Variants in TNC observed in about 807,000 individuals in gnomAD.
TNC encodes tenascin C, also known as tenascin.
Under a neutral mutation model 202.4 loss-of-function variants are expected in TNC, and 109 were observed. The observed-to-expected ratio is 0.54, with a 90% CI of 0.46 to 0.63. The LOEUF (loss-of-function observed/expected upper bound fraction) is 0.63. Among genes scored for constraint, TNC ranks in the 30% least tolerant of loss-of-function variants. The pLI is 0.00. For missense variants in TNC, 2,756 were observed against 2,833.3 expected (o/e 0.97, Z 0.62); for synonymous variants, 1,007 against 1,089.7 (o/e 0.92, Z 1.50).
At chr9:115,040,814 A>G in intron 19 of TNC, 127 bp downstream of exon 19, 2 of 1,262,950 alleles carry the variant, frequency 1.6e-6, no homozygotes, top group Non-Finnish European at 2.1e-6. Flanking sequence ...TCATAAATAA[A>G]ACCCCCCTTT....
chr9:115,020,828 C>T lies in TNC; in HGVS notation c.*329G>A, dbSNP rs1001970984. 2 of 307,116 alleles carry T rather than the reference C, an allele frequency of 6.5e-6. No homozygotes were observed. Among genetic ancestry groups the T allele is most frequent in the African/African-American group, 2.1e-5 (1 of 46,900 alleles). 19.0% of individuals were successfully genotyped at this position (307,116 alleles called of 1,614,324 possible). ...AAAATACGGCTGGTTCTAAAACAAA[C>T]TACCCCTGTACATCCTACCCCTCTC... is the stretch of plus-strand genomic sequence containing the variant. On this transcript the variant is annotated 3_prime_UTR_variant, in exon 28 of 28. Transcript: ENST00000350763.
Position 115,021,180 on chromosome 9 carries a change from C to T in TNC, c.6583G>A (p.Glu2195Lys). The T allele has an allele frequency of 6.2e-7, 1 of 1,613,768 alleles. No homozygotes were observed. Among genetic ancestry groups the T allele is most frequent in the South Asian group, 1.1e-5 (1 of 91,072 alleles). ...ATTTATGCCCGTTTGCGCCTGCCTT[C>T]AAGATTTCTGAAGTTGCTTGGTCTC... ...KLRPSNFRNL[E>K]GRRKRA The change falls in exon 28 of 28, where the codon GAA becomes AAA. Residue 2195 changes from glutamate (E) to lysine (K), a missense_variant. By Grantham distance (56) the Glu-to-Lys change is moderately conservative. Around this residue, in one of 2 missense-constraint regions of TNC, gnomAD observed 197 missense variants for 287.3 expected, o/e 0.69. Coordinates refer to ENST00000350763, the MANE Select transcript of TNC (RefSeq NM_002160.4).
In TNC at chr9:115,076,571, G is replaced by A. The variant is rs760256103; in HGVS notation, c.2679C>T (p.Leu893=). 4.0e-5 allele frequency: 64 copies of A among 1,613,948 alleles called. No homozygotes were observed. In the East Asian group the frequency reaches 4.5e-4, roughly 11 times the overall value. Residue 893 remains leucine, a synonymous_variant, in exon 8 of 28, where the codon CTC becomes CTT. Coordinates refer to ENST00000350763, the MANE Select transcript of TNC (RefSeq NM_002160.4). ...CACGTCGAAGATTCCTGGGAGCATC[G>A]AGGCCTGTTTGAGAGAAGGAACATT... is the stretch of plus-strand genomic sequence containing the variant. ...NPAKETFTTG[L]DAPRNLRRVS...
intron 6 of TNC, among the ~76,000 whole-genome samples, chr9:115,080,021 G>A (rs1834180872): frequency 6.6e-6 from 1 of 152,160 alleles, no homozygotes; most frequent in Non-Finnish European, 1.5e-5. Context: ...AGCACCTTAG[G>A]AGGCCGAGGC....
At chr9:115,074,515 T>C (rs984054693) in intron 9 of TNC, among the ~76,000 whole-genome samples, 1 of 152,198 alleles carries the variant, frequency 6.6e-6, no homozygotes, top group Non-Finnish European at 1.5e-5. Flanking sequence ...TTCTTCTGTT[T>C]ATAAGTTACT....
intron 17 of TNC, 42 bp from the exon 18 acceptor site, chr9:115,042,383 C>T (rs1441992405): frequency 1.2e-6 from 2 of 1,604,962 alleles, no homozygotes; most frequent in African/African-American, 1.3e-5. Context: ...AAACAGTTAA[C>T]TGTCTTGTTC....
In TNC at chr9:115,031,633, G is replaced by A; in HGVS notation, c.5840C>T (p.Pro1947Leu). 6.2e-7 allele frequency: 1 copy of A among 1,612,688 alleles called. No homozygotes were observed. The highest frequency in any genetic ancestry group is 1.1e-5 in the South Asian group (1 of 90,778). Residue 1947 changes from proline (P) to leucine (L), a missense_variant, in exon 23 of 28, where the codon CCA becomes CTA. By Grantham distance (98) the Pro-to-Leu change is moderately conservative (BLOSUM62 -3). Coordinates refer to ENST00000350763, the MANE Select transcript of TNC (RefSeq NM_002160.4). Reference protein sequence around the residue: ...TTSYSLADLSPSTHYTAKIQA... With the variant: ...TTSYSLADLSLSTHYTAKIQA... ...GATCTTGGCTGTGTAGTGGGTGGAT[G>A]GGCTCAGGTCTGCCAGGCTGTAGGA...
rs1325688528 is a variant in TNC at position 115,020,280 on chromosome 9, T to A, written c.*877A>T. ...GTTGCTCAGGCTGGTCTCAAACTCC[T>A]GGGGTTAAGCTATCCTCCCACCTTG... is the stretch of plus-strand genomic sequence containing the variant. On this transcript the variant is annotated 3_prime_UTR_variant, in exon 28 of 28. Transcript: ENST00000350763. The A allele has an allele frequency of 1.3e-5, 2 of 150,788 alleles. No individual in the cohort carries two copies. The highest frequency in any genetic ancestry group is 4.9e-5 in the African/African-American group (2 of 40,854). 9.3% of individuals were successfully genotyped at this position (150,788 alleles called of 1,614,324 possible).
Position 115,113,550 on chromosome 9 carries a change from G to A in TNC, c.-137+4432C>T, listed in dbSNP as rs566865523. ...AGCAGCAGCCAGCTTTAGGGTTAGA[G>A]GTGAACAACGGTCAATTCTGAAGCA... On this transcript the variant is annotated intron_variant, in intron 1 of 27. Transcript: ENST00000350763. 2.4e-3 allele frequency among the ~76,000 whole-genome samples: 362 copies of A among 152,218 alleles called. 3 individuals carry two copies. The highest frequency in any genetic ancestry group is 0.014 in the Middle Eastern group (4 of 294).
intron 13 of TNC, among the ~76,000 whole-genome samples, chr9:115,062,260 T>C (rs1488082571): frequency 6.6e-6 from 1 of 152,162 alleles, no homozygotes; most frequent in Non-Finnish European, 1.5e-5. Flanking sequence ...GAAGTAGGGT[T>C]CATTGCTGAT....
chr9:115,063,614 C>T (rs1038551186), intron 12 of TNC, among the ~76,000 whole-genome samples, 182 bp downstream of exon 12: 1 of 152,150 alleles, frequency 6.6e-6, no homozygotes, highest in Non-Finnish European at 1.5e-5. Context: ...TTCCATGGAA[C>T]TGGGCTACAA....
At chr9:115,053,096 A>C (rs1419478604) in intron 15 of TNC, 1 of 645,546 alleles carries the variant, frequency 1.5e-6, no homozygotes, top group East Asian at 2.7e-5. Flanking sequence ...GTAGCCATAG[A>C]ACATGAAAGC....
chr9:115,037,326 T>G (rs1830406622), intron 20 of TNC, among the ~76,000 whole-genome samples: 1 of 152,150 alleles, frequency 6.6e-6, no homozygotes, highest in Non-Finnish European at 1.5e-5. Context: ...ACACAATTAT[T>G]TCTAGAGTAG....
At chr9:115,092,835 C>T (rs1344650160) in intron 1 of TNC, among the ~76,000 whole-genome samples, 1 of 151,702 alleles carries the variant, frequency 6.6e-6, no homozygotes, top group Non-Finnish European at 1.5e-5. Context: ...ATCCACTTGC[C>T]TCAACTTCCC....
chr9:115,046,144 C>T (rs1457115285), intron 17 of TNC, among the ~76,000 whole-genome samples: 3 of 152,138 alleles, frequency 2.0e-5, no homozygotes, highest in Non-Finnish European at 2.9e-5. Context: ...ATTTGCTGGG[C>T]CCTTGCTACC....
At chr9:115,031,029 C>T (rs1202816439) in intron 23 of TNC, among the ~76,000 whole-genome samples, 1 of 152,206 alleles carries the variant, frequency 6.6e-6, no homozygotes, top group African/African-American at 2.4e-5. Flanking sequence ...GAACTTTGGG[C>T]ATAGGGCTCA....
At chr9:115,092,771 A>C (rs1835330201) in intron 1 of TNC, among the ~76,000 whole-genome samples, 1 of 146,368 alleles carries the variant, frequency 6.8e-6, no homozygotes. Flanking sequence ...TTTTTAGTAG[A>C]GTTGGAGTTT....
chr9:115,028,924 G>GAAAAAAAAAAAAAAAAAAAAAAA (rs57737243), intron 25 of TNC, among the ~76,000 whole-genome samples: 1 of 63,944 alleles, frequency 1.6e-5, no homozygotes, highest in Non-Finnish European at 2.6e-5. Context: ...CATTATCTCT[G>GAAAAAAAAAAAAAAAAAAAAAAA]AAAAAAAAAA....
At chr9:115,098,456 A>G (rs568693434) in intron 1 of TNC, among the ~76,000 whole-genome samples, 87 of 152,344 alleles carry the variant, frequency 5.7e-4, no homozygotes, top group Non-Finnish European at 9.4e-4. Context: ...CTGCAGGACA[A>G]AGATCATTGC....
Sources: allele counts gnomAD v4.1 joint callset (sites outside exome capture counted in the v4.1 genomes callset), GRCh38; gene constraint gnomAD v4.1.1; regional missense constraint gnomAD v4.1.1; transcripts MANE v1.5; gene names NCBI Gene and HGNC (gene_info 2026-07-23, HGNC 2026-07-21).